AKAP19: variants seen among roughly 807,000 people sequenced by gnomAD.
The protein encoded by AKAP19 is A-kinase anchoring protein 19, also known as small A-kinase anchoring protein.
the AKAP19 span, among the ~76,000 whole-genome samples, chr2:190,144,216 A>T: frequency 6.7e-6 from 1 of 149,040 alleles, no homozygotes; most frequent in African/African-American, 2.4e-5. Flanking sequence ...TTATAACTTA[A>T]TAAAAAAACA....
chr2:189,894,482 C>T, the AKAP19 span, among the ~76,000 whole-genome samples: 1 of 152,046 alleles, frequency 6.6e-6, no homozygotes, highest in Non-Finnish European at 1.5e-5. Flanking sequence ...AGAACTAAAG[C>T]TCACTGAACT....
the AKAP19 span, among the ~76,000 whole-genome samples, chr2:189,975,679 T>C: frequency 1.1e-3 from 171 of 152,324 alleles, 1 homozygote; most frequent in Non-Finnish European, 1.7e-3. Context: ...TTTGTTCATT[T>C]CTTTTTACTC....
the AKAP19 span, among the ~76,000 whole-genome samples, chr2:189,973,414 A>C: frequency 2.0e-5 from 3 of 152,142 alleles, no homozygotes; most frequent in Non-Finnish European, 2.9e-5. Context: ...TTTTGCATCT[A>C]TGTTCATCAG....
At chr2:190,160,947 C>T in the AKAP19 span, among the ~76,000 whole-genome samples, 72,431 of 151,710 alleles carry the variant, frequency 0.48, 18,989 homozygotes, top group East Asian at 0.83. Context: ...AGATGAAGAA[C>T]GCTAAGTGTA....
the AKAP19 span, among the ~76,000 whole-genome samples, chr2:189,933,096 G>T: frequency 6.6e-6 from 1 of 152,154 alleles, no homozygotes; most frequent in Non-Finnish European, 1.5e-5. Context: ...TCAGTTTTCA[G>T]ATTTGAGAAA....
the AKAP19 span, among the ~76,000 whole-genome samples, chr2:189,922,431 A>G: frequency 1.3e-5 from 2 of 152,234 alleles, no homozygotes; most frequent in African/African-American, 2.4e-5. Context: ...AGTTGTCTAA[A>G]CTAGACATGG....
At chr2:189,969,969 C>A in the AKAP19 span, among the ~76,000 whole-genome samples, 1 of 149,600 alleles carries the variant, frequency 6.7e-6, no homozygotes. Context: ...ATCTCCCAGG[C>A]TCAGGTGATT....
chr2:190,119,886 G>C, the AKAP19 span, among the ~76,000 whole-genome samples: 1 of 152,176 alleles, frequency 6.6e-6, no homozygotes, highest in Non-Finnish European at 1.5e-5. Context: ...CATAAATGGA[G>C]TTATAGGAGA....
the AKAP19 span, among the ~76,000 whole-genome samples, chr2:189,921,347 G>C: frequency 6.6e-6 from 1 of 152,190 alleles, no homozygotes. Flanking sequence ...AAAATGGTCA[G>C]CTGTGTACAG....
chr2:190,163,729 T>G, the AKAP19 span, among the ~76,000 whole-genome samples: 1 of 152,204 alleles, frequency 6.6e-6, no homozygotes, highest in Non-Finnish European at 1.5e-5. Flanking sequence ...AGTAGGAAGA[T>G]AGGGGAAAGA....
chr2:190,046,035 TG>T, the AKAP19 span, among the ~76,000 whole-genome samples: 2 of 152,206 alleles, frequency 1.3e-5, no homozygotes, highest in Non-Finnish European at 2.9e-5. Context: ...CTTCCCTTGG[TG>T]GGGGAAGTTC....
chr2:189,889,322 C>G, the AKAP19 span, among the ~76,000 whole-genome samples: 1 of 152,084 alleles, frequency 6.6e-6, no homozygotes, highest in Non-Finnish European at 1.5e-5. Flanking sequence ...GATGTGCTGA[C>G]GCATTCGGCT....
At chr2:190,173,121 A>AAAAAT in the AKAP19 span, among the ~76,000 whole-genome samples, 1 of 125,172 alleles carries the variant, frequency 8.0e-6, no homozygotes, top group East Asian at 1.9e-4. Context: ...TCTCAAAAAA[A>AAAAAT]ATAAAATAAA....
chr2:189,918,931 C>T, the AKAP19 span, among the ~76,000 whole-genome samples: 1 of 152,168 alleles, frequency 6.6e-6, no homozygotes, highest in African/African-American at 2.4e-5. Flanking sequence ...ATTCCATTTA[C>T]CATAGTCCCC....
the AKAP19 span, among the ~76,000 whole-genome samples, chr2:190,049,439 A>G: frequency 6.6e-6 from 1 of 152,234 alleles, no homozygotes; most frequent in African/African-American, 2.4e-5. Flanking sequence ...GTAAATTGGC[A>G]CAACTTCTAC....
chr2:190,174,878 T>G, the AKAP19 span, among the ~76,000 whole-genome samples: 125,613 of 152,152 alleles, frequency 0.83, 51,931 homozygotes, highest in Middle Eastern at 0.89. Context: ...GTAATGTTCT[T>G]CTCTGTTTAA....
At chr2:189,918,698 T>C in the AKAP19 span, among the ~76,000 whole-genome samples, 12 of 152,180 alleles carry the variant, frequency 7.9e-5, no homozygotes, top group African/African-American at 2.9e-4. Context: ...AAATATATAG[T>C]TGTACACAAA....
chr2:190,068,537 G>A, the AKAP19 span, among the ~76,000 whole-genome samples: 54 of 152,240 alleles, frequency 3.5e-4, no homozygotes, highest in African/African-American at 1.2e-3. Context: ...TGCCATGTTG[G>A]CTAGGCTGGT....
chr2:190,091,922 A>C, the AKAP19 span, among the ~76,000 whole-genome samples: 1 of 152,142 alleles, frequency 6.6e-6, no homozygotes, highest in African/African-American at 2.4e-5. Flanking sequence ...AGTAATTAAT[A>C]TTAATATTTT....
Sources: allele counts gnomAD v4.1 joint callset (sites outside exome capture counted in the v4.1 genomes callset), GRCh38; gene constraint gnomAD v4.1.1; transcripts MANE v1.5; gene names NCBI Gene and HGNC (gene_info 2026-07-23, HGNC 2026-07-21).